SMARCC1: variants seen among roughly 807,000 people sequenced by gnomAD.
SMARCC1 encodes SWI/SNF complex subunit SMARCC1.
SMARCC1 carries 43 observed loss-of-function variants against 147.4 expected under a neutral mutation model. The observed-to-expected ratio is 0.29, with a 90% CI of 0.23 to 0.38. The LOEUF is 0.38. Ranked by LOEUF, SMARCC1 falls within the 10% of genes least tolerant of loss-of-function variation. SMARCC1 has a pLI of 1.00. For synonymous variants in SMARCC1, 495 were observed against 484.4 expected (o/e 1.02, Z -0.29); for missense variants, 1,119 against 1,381.1 (o/e 0.81, Z 3.01).
intron 10 of SMARCC1, among the ~76,000 whole-genome samples, chr3:47,705,824 T>C (rs2033985051): frequency 1.3e-5 from 2 of 152,238 alleles, no homozygotes; most frequent in Non-Finnish European, 2.9e-5. Context: ...AATTATTAAG[T>C]ACTATTTACC....
At chr3:47,713,782 A>G (rs1011326383) in intron 8 of SMARCC1, among the ~76,000 whole-genome samples, 4 of 152,176 alleles carry the variant, frequency 2.6e-5, no homozygotes, top group African/African-American at 9.7e-5. Flanking sequence ...GTAAGTCTGT[A>G]TCATTCTAAA....
intron 5 of SMARCC1, among the ~76,000 whole-genome samples, chr3:47,733,693 C>G (rs981662090): frequency 6.6e-6 from 1 of 151,842 alleles, no homozygotes; most frequent in African/African-American, 2.4e-5. Context: ...GAAACCCCGT[C>G]TCTACTAAAA....
chr3:47,654,935 C>A (rs1417713436), intron 21 of SMARCC1, among the ~76,000 whole-genome samples: 3 of 152,160 alleles, frequency 2.0e-5, no homozygotes. Context: ...TTGGTGAGGA[C>A]AAAGAAACCA....
chr3:47,775,549 G>A (rs1290473335), intron 1 of SMARCC1, among the ~76,000 whole-genome samples: 4 of 149,064 alleles, frequency 2.7e-5, no homozygotes, highest in African/African-American at 4.9e-5. Context: ...CGAGGCGGGC[G>A]AATCACGAGG....
chr3:47,662,253 A>C, intron 20 of SMARCC1, 81 bp downstream of exon 20: 1 of 1,147,170 alleles, frequency 8.7e-7, no homozygotes, highest in Middle Eastern at 2.9e-4. Context: ...CATTAAAAGA[A>C]ATGAATGTAA....
At chr3:47,717,768 C>T (rs1353015238) in intron 7 of SMARCC1, among the ~76,000 whole-genome samples, 12 of 152,034 alleles carry the variant, frequency 7.9e-5, no homozygotes, top group African/African-American at 2.7e-4. Flanking sequence ...GGTTTCACCA[C>T]GTTGCCCAAG....
Position 47,598,860 on chromosome 3 carries a change from G to GACACAC in SMARCC1, c.3044-8024_3044-8023insGTGTGT, listed in dbSNP as rs1344671995. On this transcript the variant is annotated intron_variant, in intron 26 of 27. Transcript: ENST00000254480. ...AAAAAAAAAAAAAAAAAGAGAGAGAGAGACACACACACACACACACACACA... is the reference window on the plus strand; with the variant it reads ...AAAAAAAAAAAAAAAAAGAGAGAGAGACACACAGACACACACACACACACACACACA... 4.8e-5 allele frequency among the ~76,000 whole-genome samples: 6 copies of GACACAC among 125,016 alleles called. No homozygotes were observed. In the East Asian group the frequency reaches 8.7e-4, roughly 18 times the overall value. 82.0% of individuals were successfully genotyped at this position (125,016 alleles called of 152,430 possible). A position where few individuals can be genotyped will look rare whatever the true frequency, so the allele number is the denominator to read the frequency against.
At chr3:47,774,281 G>C (rs1350284690) in intron 1 of SMARCC1, among the ~76,000 whole-genome samples, 1 of 143,846 alleles carries the variant, frequency 7.0e-6, no homozygotes, top group Non-Finnish European at 1.5e-5. Context: ...CCATCACTTA[G>C]CCTGAAATGA....
intron 22 of SMARCC1, among the ~76,000 whole-genome samples, chr3:47,636,675 C>A (rs2032972914): frequency 6.6e-6 from 1 of 151,992 alleles, no homozygotes; most frequent in African/African-American, 2.4e-5. Flanking sequence ...ATCCCTTGAA[C>A]ACCCGGGAGG....
intron 18 of SMARCC1, among the ~76,000 whole-genome samples, chr3:47,673,619 G>A (rs1308024483): frequency 6.6e-6 from 1 of 152,186 alleles, no homozygotes; most frequent in African/African-American, 2.4e-5. Context: ...AACCGTGGAG[G>A]TGGAGGTTGC....
At chr3:47,655,277 AGTTCT>A (rs2033246296) in intron 21 of SMARCC1, among the ~76,000 whole-genome samples, 1 of 152,232 alleles carries the variant, frequency 6.6e-6, no homozygotes, top group Non-Finnish European at 1.5e-5. Flanking sequence ...ATGTGCCTGT[AGTTCT>A]AGCTACTTGG....
intron 24 of SMARCC1, among the ~76,000 whole-genome samples, chr3:47,634,080 T>C (rs539497926): frequency 1.6e-4 from 25 of 152,284 alleles, no homozygotes; most frequent in South Asian, 1.5e-3. Context: ...GTAGGGGAGA[T>C]AGAATAACTA....
chr3:47,691,908 G>T (rs576793209), intron 12 of SMARCC1, among the ~76,000 whole-genome samples: 1 of 152,140 alleles, frequency 6.6e-6, no homozygotes, highest in African/African-American at 2.4e-5. Flanking sequence ...GCTGAGGCAG[G>T]AGAATTGCTT....
rs1284648365 is a variant in SMARCC1, at chr3:47,587,731, C to T, written c.*478G>A. ...AAGGTTTGTCCCCTGTGGCTATTCCCCCCCTTCTGCCCATCATTATTTTTT... is the reference window on the plus strand; with the variant it reads ...AAGGTTTGTCCCCTGTGGCTATTCCTCCCCTTCTGCCCATCATTATTTTTT... On this transcript the variant is annotated 3_prime_UTR_variant, in exon 28 of 28. Transcript: ENST00000254480. 1 of 155,312 alleles carries T rather than the reference C, an allele frequency of 6.4e-6. No individual in the cohort carries two copies. Among genetic ancestry groups the T allele is most frequent in the African/African-American group, 2.4e-5 (1 of 41,454 alleles). The allele number at this position is 155,312 out of a possible 1,614,324, so 9.6% of individuals were successfully genotyped here.
In SMARCC1 at chr3:47,643,530, GA is replaced by G. The variant is rs1006846960; in HGVS notation, c.2321-4751del. Among the ~76,000 whole-genome samples the G allele has an allele frequency of 6.6e-3, 942 of 141,724 alleles. 13 individuals are homozygous for G. The highest frequency in any genetic ancestry group is 0.023 in the African/African-American group (905 of 38,636). 93.0% of individuals were successfully genotyped at this position (141,724 alleles called of 152,430 possible). On this transcript the variant is annotated intron_variant, in intron 21 of 27. Transcript: ENST00000254480. ...AACATAATATGGAGTGAACAAAAAAGAAAAAAAAAAGCAAGTCTCAGAAGTC... is the reference window on the plus strand; with the variant it reads ...AACATAATATGGAGTGAACAAAAAAGAAAAAAAAAGCAAGTCTCAGAAGTC...
intron 21 of SMARCC1, among the ~76,000 whole-genome samples, chr3:47,641,614 T>C (rs1230732055): frequency 2.0e-5 from 3 of 152,178 alleles, no homozygotes; most frequent in African/African-American, 7.2e-5. Context: ...AGGAAGGTAG[T>C]GAGCTATAAA....
At chr3:47,753,128 G>A (rs1405749523) in intron 2 of SMARCC1, among the ~76,000 whole-genome samples, 2 of 151,204 alleles carry the variant, frequency 1.3e-5, no homozygotes, top group Admixed American at 6.6e-5. Flanking sequence ...GGCGGATCAC[G>A]AGGTGAGGAG....
chr3:47,750,376 A>G (rs1347634729), intron 2 of SMARCC1, among the ~76,000 whole-genome samples: 1 of 152,178 alleles, frequency 6.6e-6, no homozygotes, highest in Non-Finnish European at 1.5e-5. Flanking sequence ...CAGAGGATGC[A>G]GTGAGCCGGG....
chr3:47,669,711 A>G (rs1030987746), intron 19 of SMARCC1, among the ~76,000 whole-genome samples: 3 of 152,194 alleles, frequency 2.0e-5, no homozygotes, highest in South Asian at 2.1e-4. Flanking sequence ...GAGAACCAGA[A>G]AACAGCAAGA....
Sources: gnomAD v4.1 joint callset for allele counts (sites outside exome capture counted in the v4.1 genomes callset) on GRCh38, gnomAD v4.1.1 for gene constraint, MANE v1.5 for transcripts, NCBI Gene and HGNC (gene_info 2026-07-23, HGNC 2026-07-21) for gene names.